Variants in P2RY14 observed in about 807,000 individuals in gnomAD.
P2RY14 encodes purinergic receptor P2Y14, also known as P2Y purinoceptor 14.
In P2RY14, 2 loss-of-function variants were observed where a neutral mutation model predicts 0.9. The ratio of observed to expected loss-of-function variants is 2.16; its 90% CI spans 0.88 to 6.79. The LOEUF (loss-of-function observed/expected upper bound fraction) is 6.79. Ranked by LOEUF, P2RY14 falls within the 30% of genes most tolerant of loss-of-function variation. The pLI, the probability that P2RY14 is intolerant of heterozygous loss-of-function variation, is 0.05. For missense variants in P2RY14, 378 were observed against 400.1 expected, an observed-to-expected ratio of 0.94 and a Z score of 0.47; for synonymous variants, 158 against 147.2, an observed-to-expected ratio of 1.07 and a Z score of -0.53.
chr3:151,264,919 A>G (rs958023641), intron 1 of P2RY14, among the ~76,000 whole-genome samples: 5 of 150,606 alleles, frequency 3.3e-5, no homozygotes, highest in African/African-American at 1.0e-4. Flanking sequence ...TTGTAGCCAC[A>G]CTGGCCTTCT....
chr3:151,269,738 A>T, intron 1 of P2RY14: 1 of 420,380 alleles, frequency 2.4e-6, no homozygotes, highest in Non-Finnish European at 4.6e-6. Flanking sequence ...GTTCTCTCCA[A>T]GGAATTTCAT....
intron 1 of P2RY14, among the ~76,000 whole-genome samples, chr3:151,225,555 C>T (rs1173309474): frequency 6.6e-6 from 1 of 152,122 alleles, no homozygotes; most frequent in African/African-American, 2.4e-5. Context: ...CTCTTAATGC[C>T]GTCACAATGG....
chr3:151,234,934 C>T (rs1320230382), intron 1 of P2RY14, among the ~76,000 whole-genome samples: 1 of 152,214 alleles, frequency 6.6e-6, no homozygotes, highest in Non-Finnish European at 1.5e-5. Context: ...AAGCAGCAAA[C>T]GTTCCAGCGA....
At chr3:151,271,029 A>C (rs987098172) in intron 1 of P2RY14, among the ~76,000 whole-genome samples, 2 of 152,134 alleles carry the variant, frequency 1.3e-5, no homozygotes, top group Admixed American at 6.6e-5. Flanking sequence ...AAAAAAAAAA[A>C]ATCCCCAAAT....
chr3:151,252,128 G>T (rs2149454583), intron 1 of P2RY14, among the ~76,000 whole-genome samples: 1 of 152,104 alleles, frequency 6.6e-6, no homozygotes, highest in South Asian at 2.1e-4. Flanking sequence ...CCCTCCCTAT[G>T]CAGGATAAAC....
At chr3:151,256,647 T>G (rs1399221148) in intron 1 of P2RY14, among the ~76,000 whole-genome samples, 3 of 152,212 alleles carry the variant, frequency 2.0e-5, no homozygotes, top group Non-Finnish European at 4.4e-5. Flanking sequence ...AGACAAAAGC[T>G]TATTACACTA....
rs529584737 is a variant in P2RY14, at chr3:151,220,071, G to A, written c.-132-429C>T. Reference sequence around the variant, plus strand: ...GCCAGATAATTATTTATTTTTGGGAGCTGTCCTATGCATTGTAAGATGTTT... The same window carrying A: ...GCCAGATAATTATTTATTTTTGGGAACTGTCCTATGCATTGTAAGATGTTT... On this transcript the variant is annotated intron_variant, in intron 1 of 2. Coordinates refer to ENST00000309170, the MANE Select transcript of P2RY14 (RefSeq NM_014879.4). 1.3e-4 allele frequency among the ~76,000 whole-genome samples: 20 copies of A among 148,732 alleles called. No individual in the cohort carries two copies. In the East Asian group the frequency reaches 3.9e-3, roughly 29 times the overall value.
intron 1 of P2RY14, among the ~76,000 whole-genome samples, chr3:151,245,465 A>G (rs1287939995): frequency 1.7e-5 from 2 of 115,192 alleles, no homozygotes; most frequent in African/African-American, 6.6e-5. Context: ...CTGGTTCAAT[A>G]TACACAAATC....
intron 1 of P2RY14, among the ~76,000 whole-genome samples, chr3:151,228,727 A>G (rs1444641718): frequency 1.3e-5 from 2 of 152,164 alleles, no homozygotes; most frequent in East Asian, 1.9e-4. Flanking sequence ...CTAATCTTTC[A>G]TGAGAGTGGC....
chr3:151,238,974 G>T (rs1046276431), intron 1 of P2RY14, among the ~76,000 whole-genome samples: 2 of 152,126 alleles, frequency 1.3e-5, no homozygotes, highest in African/African-American at 4.8e-5. Context: ...AAAACTGAAT[G>T]AACTGAGAGA....
intron 1 of P2RY14, among the ~76,000 whole-genome samples, chr3:151,236,820 T>C (rs1732916591): frequency 6.6e-6 from 1 of 152,214 alleles, no homozygotes; most frequent in South Asian, 2.1e-4. Flanking sequence ...TAATTAATTT[T>C]GTTTTGGTTA....
At chr3:151,237,180 AG>A (rs1444491076) in intron 1 of P2RY14, among the ~76,000 whole-genome samples, 1 of 151,242 alleles carries the variant, frequency 6.6e-6, no homozygotes, top group Non-Finnish European at 1.5e-5. Context: ...CTGGGACTAC[AG>A]GTGCATGCCA....
intron 1 of P2RY14, among the ~76,000 whole-genome samples, chr3:151,273,605 T>TA (rs1741380108): frequency 6.6e-6 from 1 of 152,114 alleles, no homozygotes; most frequent in Admixed American, 6.6e-5. Flanking sequence ...TTAATCCCCA[T>TA]AACTCAGTAA....
chr3:151,215,963 C>G (rs919131983), intron 2 of P2RY14, among the ~76,000 whole-genome samples: 2 of 152,124 alleles, frequency 1.3e-5, no homozygotes, highest in Non-Finnish European at 2.9e-5. Flanking sequence ...TTCTCTTTAT[C>G]CTCAAGGCCT....
At chr3:151,264,355 T>C (rs1739445373) in intron 1 of P2RY14, among the ~76,000 whole-genome samples, 1 of 152,256 alleles carries the variant, frequency 6.6e-6, no homozygotes, top group Admixed American at 6.5e-5. Context: ...ATCTTTTAAA[T>C]GGAAGAACTG....
intron 1 of P2RY14, among the ~76,000 whole-genome samples, chr3:151,272,761 T>G (rs1741190317): frequency 1.3e-5 from 2 of 152,094 alleles, no homozygotes; most frequent in East Asian, 1.9e-4. Context: ...CTTGTATGAG[T>G]GTTAATGGCT....
chr3:151,261,404 A>G lies in P2RY14; in HGVS notation c.-133+16883T>C, dbSNP rs566952533. ...TAGCCTACCTGGAATTGTGGAGGGT[A>G]AGAGGGATGGTGGCCATGGCTTGCT... On this transcript the variant is annotated intron_variant, in intron 1 of 2. Transcript: ENST00000309170. 10 of 152,260 alleles carry G rather than the reference A, an allele frequency of 6.6e-5. No homozygotes were observed. The East Asian group carries it at 1.9e-3, about 29-fold the overall frequency. The allele number at this position is 152,260 out of a possible 1,614,324, so 9.4% of individuals were successfully genotyped here.
intron 1 of P2RY14, among the ~76,000 whole-genome samples, chr3:151,247,409 T>A (rs1362341541): frequency 6.6e-6 from 1 of 152,040 alleles, no homozygotes; most frequent in Non-Finnish European, 1.5e-5. Flanking sequence ...GTGGCACATG[T>A]ACACCATGGA....
chr3:151,266,229 C>T (rs989679185), intron 1 of P2RY14, among the ~76,000 whole-genome samples: 1 of 152,170 alleles, frequency 6.6e-6, no homozygotes. Context: ...GTAGATGTCC[C>T]TTCATGACCT....
Sources: gnomAD v4.1 joint callset for allele counts (sites outside exome capture counted in the v4.1 genomes callset) on GRCh38, gnomAD v4.1.1 for gene constraint, MANE v1.5 for transcripts, NCBI Gene and HGNC (gene_info 2026-07-23, HGNC 2026-07-21) for gene names.